PTPN13: variants seen among roughly 807,000 people sequenced by gnomAD.
PTPN13 encodes tyrosine-protein phosphatase non-receptor type 13.
PTPN13 carries 191 observed loss-of-function variants against 284.0 expected under a neutral mutation model. That is an observed-to-expected ratio of 0.67 (90% CI 0.60 to 0.76). PTPN13 has a LOEUF of 0.76. Among genes scored for constraint, PTPN13 ranks in the 30% least tolerant of loss-of-function variants. The pLI is 0.00. For synonymous variants in PTPN13, 986 were observed against 1,022.3 expected (o/e 0.96, Z 0.68); for missense variants, 2,797 against 2,939.9 (o/e 0.95, Z 1.12).
chr4:86,649,432 A>G (rs1724830770), intron 2 of PTPN13, among the ~76,000 whole-genome samples: 1 of 152,132 alleles, frequency 6.6e-6, no homozygotes, highest in South Asian at 2.1e-4. Context: ...GTCTATCTTC[A>G]TTCTTCGACA....
At chr4:86,605,119 G>C (rs868629526) in intron 1 of PTPN13, among the ~76,000 whole-genome samples, 2 of 151,918 alleles carry the variant, frequency 1.3e-5, no homozygotes, top group Non-Finnish European at 2.9e-5. Context: ...AAGATGACCT[G>C]TCAAAGTGAG....
intron 19 of PTPN13, among the ~76,000 whole-genome samples, chr4:86,751,965 A>G (rs1737441201): frequency 6.6e-6 from 1 of 151,998 alleles, no homozygotes; most frequent in South Asian, 2.1e-4. Context: ...GTGCATATAT[A>G]TCTATATATA....
intron 40 of PTPN13, among the ~76,000 whole-genome samples, chr4:86,788,530 T>G (rs1234416632): frequency 6.6e-6 from 1 of 152,222 alleles, no homozygotes; most frequent in African/African-American, 2.4e-5. Context: ...AGAAGAAAGA[T>G]TATACCTCTG....
At chr4:86,618,210 C>T (rs1326982806) in intron 1 of PTPN13, among the ~76,000 whole-genome samples, 1 of 152,068 alleles carries the variant, frequency 6.6e-6, no homozygotes, top group Non-Finnish European at 1.5e-5. Context: ...TTGTTTTTGT[C>T]AGGTTTGTCA....
chr4:86,672,190 T>G (rs182398546), intron 2 of PTPN13, among the ~76,000 whole-genome samples, 175 bp from the exon 3 acceptor site: 394 of 152,366 alleles, frequency 2.6e-3, no homozygotes, highest in Non-Finnish European at 4.1e-3. Flanking sequence ...CTGTTGTATT[T>G]GTATGAAACC....
chr4:86,716,963 A>T, intron 8 of PTPN13, 61 bp from the exon 9 acceptor site: 2 of 1,191,674 alleles, frequency 1.7e-6, no homozygotes, highest in Admixed American at 3.9e-5. Flanking sequence ...TTGAGTTTTA[A>T]ATGAAATTAC....
rs929869737 is a variant in PTPN13, at chr4:86,787,799, C to T, written c.6345+1863C>T. 5.3e-5 allele frequency among the ~76,000 whole-genome samples: 8 copies of T among 152,216 alleles called. No individual in the cohort carries two copies. In the South Asian group the frequency reaches 1.5e-3, roughly 28 times the overall value. ...ATCATTACCCTCTTTCCATGTGAGA[C>T]GTATAAATTTGCCTCATACTTTTTA... On this transcript the variant is annotated intron_variant, in intron 40 of 47. Transcript: ENST00000411767.
intron 14 of PTPN13, 55 bp from the exon 15 acceptor site, chr4:86,735,539 G>T (rs570895750): frequency 6.4e-7 from 1 of 1,568,836 alleles, no homozygotes; most frequent in African/African-American, 1.4e-5. Flanking sequence ...AGAAGGAAAA[G>T]GGTTTACTCC....
chr4:86,807,956 T>C, intron 45 of PTPN13, 59 bp downstream of exon 45: 1 of 1,431,586 alleles, frequency 7.0e-7, no homozygotes, highest in Non-Finnish European at 9.5e-7. Flanking sequence ...AATCCAAGCC[T>C]GGACTCTTTC....
intron 36 of PTPN13, among the ~76,000 whole-genome samples, chr4:86,781,580 G>A (rs1273575364): frequency 1.3e-5 from 2 of 152,164 alleles, no homozygotes; most frequent in African/African-American, 4.8e-5. Context: ...ACATAGTTAA[G>A]CACCTGTGAT....
At chr4:86,765,255 A>T in intron 25 of PTPN13, 140 bp from the exon 26 acceptor site, 1 of 600,558 alleles carries the variant, frequency 1.7e-6, no homozygotes, top group Non-Finnish European at 3.0e-6. Context: ...TCATTAGTAT[A>T]CTAATGAATA....
intron 3 of PTPN13, among the ~76,000 whole-genome samples, chr4:86,675,229 C>T (rs1728143472): frequency 6.6e-6 from 1 of 152,142 alleles, no homozygotes; most frequent in South Asian, 2.1e-4. Flanking sequence ...TTGCCATTAT[C>T]ATGTTAAAGT....
At chr4:86,753,180 A>G (rs1737585561) in intron 20 of PTPN13, 115 bp downstream of exon 20, 10 of 668,794 alleles carry the variant, frequency 1.5e-5, no homozygotes, top group Non-Finnish European at 2.4e-5. Context: ...TTGATCTTAC[A>G]TTGAAGTTAA....
chr4:86,750,999 C>T (rs1158576348), intron 18 of PTPN13, 28 bp from the exon 19 acceptor site: 1 of 1,570,138 alleles, frequency 6.4e-7, no homozygotes, highest in African/African-American at 1.4e-5. Flanking sequence ...ATTAACACTT[C>T]CCTCCTACCT....
chr4:86,607,569 A>G (rs971356987), intron 1 of PTPN13, among the ~76,000 whole-genome samples: 1 of 151,994 alleles, frequency 6.6e-6, no homozygotes, highest in Non-Finnish European at 1.5e-5. Flanking sequence ...AATGAGTGGT[A>G]GTGGAGTACA....
chr4:86,603,523 T>C (rs1228041287), intron 1 of PTPN13, among the ~76,000 whole-genome samples: 2 of 152,194 alleles, frequency 1.3e-5, no homozygotes, highest in African/African-American at 4.8e-5. Flanking sequence ...CTGTTAAAAA[T>C]TATTTGGTAT....
intron 17 of PTPN13, among the ~76,000 whole-genome samples, chr4:86,746,681 A>G (rs1448206884): frequency 6.6e-6 from 1 of 151,990 alleles, no homozygotes; most frequent in East Asian, 1.9e-4. Context: ...TCTTGTCAAA[A>G]TCTTGTTTGG....
intron 10 of PTPN13, among the ~76,000 whole-genome samples, chr4:86,732,006 T>TC (rs1341834301): frequency 3.3e-5 from 5 of 152,234 alleles, no homozygotes; most frequent in Non-Finnish European, 7.3e-5. Flanking sequence ...ACTTCATGCA[T>TC]TAGCAATATT....
chr4:86,600,432 CTTTTTTT>C (rs10588960), intron 1 of PTPN13, among the ~76,000 whole-genome samples: 1 of 50,414 alleles, frequency 2.0e-5, no homozygotes, highest in Non-Finnish European at 3.6e-5. Flanking sequence ...TACATAACCA[CTTTTTTT>C]TTTTTTTTTT....
Sources: gnomAD v4.1 joint callset for allele counts (sites outside exome capture counted in the v4.1 genomes callset) on GRCh38, gnomAD v4.1.1 for gene constraint, MANE v1.5 for transcripts, NCBI Gene and HGNC (gene_info 2026-07-23, HGNC 2026-07-21) for gene names.